The following PTPN13 variants were observed in gnomAD, a reference collection of about 807,000 sequenced individuals.
PTPN13 encodes tyrosine-protein phosphatase non-receptor type 13.
A neutral mutation model predicts 284.0 loss-of-function variants in PTPN13; 191 were observed. The observed-to-expected ratio is 0.67, with a 90% confidence interval of 0.60 to 0.76. The LOEUF is 0.76. PTPN13 is among the 30% of genes least tolerant of loss of function. The probability of loss-of-function intolerance (pLI) is 0.00; values close to 1 mark genes in which losing one functional copy is unlikely to be tolerated. For synonymous variants in PTPN13, 986 were observed against 1,022.3 expected (o/e 0.96, Z 0.68); for missense variants, 2,797 against 2,939.9 (o/e 0.95, Z 1.12).
chr4:86,602,238 C>G (rs1764354472), intron 1 of PTPN13, among the ~76,000 whole-genome samples: 1 of 152,066 alleles, frequency 6.6e-6, no homozygotes, highest in South Asian at 2.1e-4. Context: ...GCCAGAATGC[C>G]TGGGTTTTGA....
In PTPN13 at chr4:86,643,132, C is replaced by T. The variant is rs555049426; in HGVS notation, c.115+7761C>T. ...TAAATCCCTTTATAAGTAGTCACTT[C>T]TGGTTCCCTGTCTAATAAATAAAAG... On this transcript the variant is annotated intron_variant, in intron 2 of 47. Transcript: ENST00000411767. 7.9e-5 allele frequency among the ~76,000 whole-genome samples: 12 copies of T among 152,272 alleles called. No homozygotes were observed. In the East Asian group the frequency reaches 2.1e-3, roughly 27 times the overall value.
chr4:86,768,959 C>T (rs982881233), intron 28 of PTPN13, among the ~76,000 whole-genome samples: 8 of 152,096 alleles, frequency 5.3e-5, no homozygotes, highest in Non-Finnish European at 1.2e-4. Flanking sequence ...ATCCGCCCTC[C>T]TCAGCCTCCC....
rs77101775 is a variant in PTPN13 at position 86,619,764 on chromosome 4, CT to C, written c.-5-15477del. On this transcript the variant is annotated intron_variant, in intron 1 of 47. Coordinates refer to ENST00000411767, the MANE Select transcript of PTPN13 (RefSeq NM_080683.3). The stretch of plus-strand genomic sequence containing the variant: ...GCAAGTTCCTTTCTTTTTCTTTTTT[CT>C]TTTTTTTTTTCCCCCAATACTTGTC... Among the ~76,000 whole-genome samples the C allele has an allele frequency of 6.9e-3, 1,001 of 145,822 alleles. 6 individuals carry two copies. The highest frequency in any genetic ancestry group is 0.02 in the African/African-American group (816 of 40,058).
chr4:86,777,994 A>G (rs1740851983), intron 35 of PTPN13, among the ~76,000 whole-genome samples: 1 of 152,206 alleles, frequency 6.6e-6, no homozygotes, highest in Admixed American at 6.5e-5. Flanking sequence ...TCTTCAGCTC[A>G]GCCTTGAAGT....
In PTPN13 at chr4:86,613,720, C is replaced by T. The variant is rs776400748; in HGVS notation, c.-6+18931C>T. On this transcript the variant is annotated intron_variant, in intron 1 of 47. Transcript: ENST00000411767. ...AGATGCCAGCTAAAGGTCAACCTTG[C>T]GAGCAAGCCTGCTATGTTAATTCTT... is the stretch of plus-strand genomic sequence containing the variant. Among the ~76,000 whole-genome samples, 10 of 151,706 alleles carry T rather than the reference C, an allele frequency of 6.6e-5. No homozygotes were observed. In the South Asian group the frequency reaches 8.3e-4, roughly 13 times the overall value.
At chr4:86,703,838 T>C (rs1731428474) in intron 7 of PTPN13, among the ~76,000 whole-genome samples, 3 of 152,026 alleles carry the variant, frequency 2.0e-5, no homozygotes, top group Admixed American at 2.0e-4. Context: ...CACTGCACTC[T>C]AGACTGTGCA....
intron 23 of PTPN13, among the ~76,000 whole-genome samples, chr4:86,761,139 AATATATATATAT>A (rs6148556): frequency 8.3e-5 from 10 of 120,690 alleles, no homozygotes; most frequent in East Asian, 7.7e-4. Flanking sequence ...TGTGTGTGTA[AATATATATATAT>A]ATATATATAT....
chr4:86,803,753 G>T lies in PTPN13; in HGVS notation c.6550G>T (p.Val2184Phe), dbSNP rs369961938. ...CGATGAGCTCGCTGTACTCCCTGTC[G>T]TCAAAGTGCTTCCCTCTGGTAAATA... is the stretch of plus-strand genomic sequence containing the variant. ...TNDELAVLPV[V>F]KVLPSGKYTG... Residue 2184 changes from valine (V) to phenylalanine (F), a missense_variant, in exon 43 of 48, where the codon GTC becomes TTC. Val to Phe is a conservative substitution (Grantham distance 50). Transcript: ENST00000411767. 1 of 1,613,724 alleles carries T rather than the reference G, an allele frequency of 6.2e-7. No individual in the cohort carries two copies. The highest frequency in any genetic ancestry group is 1.7e-5 in the Admixed American group (1 of 60,004).
intron 1 of PTPN13, among the ~76,000 whole-genome samples, chr4:86,621,174 G>A (rs1001885369): frequency 6.6e-6 from 1 of 152,196 alleles, no homozygotes; most frequent in African/African-American, 2.4e-5. Flanking sequence ...GGCTGTGAAT[G>A]TAGACAAAAA....
chr4:86,764,759 T>C (rs1487192382), intron 25 of PTPN13, 35 bp downstream of exon 25: 2 of 1,574,998 alleles, frequency 1.3e-6, no homozygotes, highest in Non-Finnish European at 1.7e-6. Flanking sequence ...TGTTTTCTCT[T>C]CTTTAATTTC....
intron 3 of PTPN13, among the ~76,000 whole-genome samples, chr4:86,677,535 G>A (rs866335352): frequency 6.6e-6 from 1 of 151,248 alleles, no homozygotes. Context: ...GGATGGTCTC[G>A]ATCGCTTGAC....
chr4:86,640,973 A>T (rs1260028887), intron 2 of PTPN13, among the ~76,000 whole-genome samples: 2 of 152,138 alleles, frequency 1.3e-5, no homozygotes, highest in Non-Finnish European at 2.9e-5. Context: ...CAGTTTGAAG[A>T]TTACCAATTG....
chr4:86,708,439 G>T (rs1216749672), intron 7 of PTPN13, among the ~76,000 whole-genome samples: 1 of 152,056 alleles, frequency 6.6e-6, no homozygotes, highest in South Asian at 2.1e-4. Flanking sequence ...AAAATTAAAG[G>T]TCAAACCAAT....
At chr4:86,670,765 GT>G (rs1565283797) in intron 2 of PTPN13, among the ~76,000 whole-genome samples, 1 of 152,128 alleles carries the variant, frequency 6.6e-6, no homozygotes, top group Non-Finnish European at 1.5e-5. Context: ...GGGAAATATT[GT>G]TTTGCTTTGT....
chr4:86,652,251 T>G (rs570639281), intron 2 of PTPN13, among the ~76,000 whole-genome samples: 1 of 152,330 alleles, frequency 6.6e-6, no homozygotes, highest in South Asian at 2.1e-4. Context: ...TTAGTTATTA[T>G]TTTTGATGGG....
intron 1 of PTPN13, among the ~76,000 whole-genome samples, chr4:86,629,346 A>G (rs1722203857): frequency 6.7e-6 from 1 of 148,602 alleles, no homozygotes; most frequent in African/African-American, 2.5e-5. Context: ...CACATGAAGA[A>G]ATGCTCATCA....
intron 37 of PTPN13, among the ~76,000 whole-genome samples, chr4:86,783,384 T>G (rs1301354652): frequency 2.6e-5 from 4 of 152,148 alleles, no homozygotes; most frequent in African/African-American, 9.6e-5. Context: ...TTTCTAGTAA[T>G]ATTCACACTG....
chr4:86,767,780 T>G (rs777751816), intron 27 of PTPN13, 37 bp from the exon 28 acceptor site: 8 of 1,437,468 alleles, frequency 5.6e-6, no homozygotes, highest in Non-Finnish European at 7.5e-6. Flanking sequence ...TTCTTAGCAT[T>G]CTTCTTAATT....
At chr4:86,732,894 G>C in intron 12 of PTPN13, 128 bp downstream of exon 12, 1 of 625,812 alleles carries the variant, frequency 1.6e-6, no homozygotes, top group Non-Finnish European at 2.4e-6. Context: ...GTAGAAGTGA[G>C]TTAGGAACTC....
Sources: gnomAD v4.1 joint callset for allele counts (sites outside exome capture counted in the v4.1 genomes callset) on GRCh38, gnomAD v4.1.1 for gene constraint, MANE v1.5 for transcripts, NCBI Gene and HGNC (gene_info 2026-07-23, HGNC 2026-07-21) for gene names.